EPHB1: variants seen among roughly 807,000 people sequenced by gnomAD.
EPHB1 encodes ephrin type-B receptor 1.
In EPHB1, 30 loss-of-function variants were observed where a neutral mutation model predicts 94.4. That is an observed-to-expected ratio of 0.32 (90% confidence interval 0.24 to 0.43). EPHB1 has a LOEUF of 0.43. Among genes scored for constraint, EPHB1 ranks in the 20% least tolerant of loss-of-function variants. The pLI is 1.00. For missense variants in EPHB1, 1,055 were observed against 1,308.3 expected, an observed-to-expected ratio of 0.81 and a Z score of 2.99; for synonymous variants, 522 against 489.1, an observed-to-expected ratio of 1.07 and a Z score of -0.89.
chr3:134,958,175 G>A (rs1193900951), intron 3 of EPHB1, among the ~76,000 whole-genome samples: 1 of 152,184 alleles, frequency 6.6e-6, no homozygotes. Context: ...CCTTTCAACA[G>A]TTTCTGCACC....
intron 2 of EPHB1, among the ~76,000 whole-genome samples, chr3:134,942,937 C>G (rs2039147575): frequency 6.6e-6 from 1 of 152,174 alleles, no homozygotes; most frequent in Admixed American, 6.5e-5. Context: ...TATTTCAAAA[C>G]AGTATATTAT....
intron 1 of EPHB1, among the ~76,000 whole-genome samples, chr3:134,885,994 T>C (rs2037854959): frequency 6.6e-6 from 1 of 152,226 alleles, no homozygotes; most frequent in Non-Finnish European, 1.5e-5. Flanking sequence ...TGATGCCTCA[T>C]GGAGCTGAGC....
intron 1 of EPHB1, among the ~76,000 whole-genome samples, chr3:134,829,291 G>A (rs2036539647): frequency 6.6e-6 from 1 of 151,940 alleles, no homozygotes; most frequent in Admixed American, 6.6e-5. Context: ...ATAAATTCAT[G>A]TTTTCAACCC....
intron 3 of EPHB1, among the ~76,000 whole-genome samples, chr3:135,070,412 A>C (rs1395939073): frequency 1.3e-5 from 2 of 152,166 alleles, no homozygotes; most frequent in African/African-American, 2.4e-5. Flanking sequence ...GGGCTTGATC[A>C]TGTCAGAGGT....
At position 134,882,822 on chromosome 3, in the gene EPHB1, CTTTT is replaced by C. The variant is rs2037783352; in HGVS notation, c.59-42993_59-42990del. Among the ~76,000 whole-genome samples the C allele has an allele frequency of 1.3e-4, 3 of 23,842 alleles. No homozygotes were observed. In the Admixed American group the frequency reaches 2.0e-3, roughly 16 times the overall value. 15.6% of individuals were successfully genotyped at this position (23,842 alleles called of 152,430 possible). A position where few individuals can be genotyped will look rare whatever the true frequency, so the allele number is the denominator to read the frequency against. Reference sequence around the variant, plus strand: ...TCTTTCTTTCTTTCTTTCTTTCTTTCTTTTCTTTCTTTCTTTCTTTTCTTTCTCT... The same window carrying C: ...TCTTTCTTTCTTTCTTTCTTTCTTTCCTTTCTTTCTTTCTTTTCTTTCTCT... On this transcript the variant is annotated intron_variant, in intron 1 of 15. Coordinates refer to ENST00000398015, the MANE Select transcript of EPHB1 (RefSeq NM_004441.5).
chr3:135,041,689 TC>T (rs1936848435), intron 3 of EPHB1, among the ~76,000 whole-genome samples: 1 of 152,214 alleles, frequency 6.6e-6, no homozygotes, highest in Non-Finnish European at 1.5e-5. Context: ...TATAAGTACG[TC>T]CCTGTTTTAG....
intron 1 of EPHB1, among the ~76,000 whole-genome samples, chr3:134,866,021 A>G (rs1167838731): frequency 6.6e-6 from 1 of 152,180 alleles, no homozygotes; most frequent in Non-Finnish European, 1.5e-5. Flanking sequence ...ACGGGAAAGG[A>G]ATGGGGGTCA....
Position 134,910,296 on chromosome 3 carries a change from G to A in EPHB1, c.59-15520G>A, listed in dbSNP as rs1449485799. ...TGCTCACAGCAGAGTAGGAGGGCAG[G>A]AGGGACTCTAAGGTCATCATGCCTG... On this transcript the variant is annotated intron_variant, in intron 1 of 15. Coordinates refer to ENST00000398015, the MANE Select transcript of EPHB1 (RefSeq NM_004441.5). 2.0e-5 allele frequency among the ~76,000 whole-genome samples: 3 copies of A among 152,178 alleles called. No individual in the cohort carries two copies. The South Asian group carries it at 6.2e-4, about 31-fold the overall frequency.
At chr3:135,112,309 T>C (rs1939478907) in intron 4 of EPHB1, among the ~76,000 whole-genome samples, 1 of 152,170 alleles carries the variant, frequency 6.6e-6, no homozygotes, top group African/African-American at 2.4e-5. Context: ...GCAATAAGCA[T>C]TCCACATGAG....
Position 135,259,764 on chromosome 3 carries a change from T to TTTTG in EPHB1, c.*649_*652dup, listed in dbSNP as rs1300719806. 1.4e-5 allele frequency: 3 copies of TTTTG among 213,846 alleles called. No homozygotes were observed. The highest frequency in any genetic ancestry group is 6.8e-5 in the African/African-American group (3 of 44,236). The allele number at this position is 213,846 out of a possible 1,614,324, so 13.2% of individuals were successfully genotyped here. A position where few individuals can be genotyped will look rare whatever the true frequency, so the allele number is the denominator to read the frequency against. On this transcript the variant is annotated 3_prime_UTR_variant, in exon 16 of 16. Coordinates refer to ENST00000398015, the MANE Select transcript of EPHB1 (RefSeq NM_004441.5). ...CCTTCAATTGAAAACCTCGTTTTTCTTTTGTTTGCATTTTCTGCAAAAAGG... is the reference window on the plus strand; with the variant it reads ...CCTTCAATTGAAAACCTCGTTTTTCTTTTGTTTGTTTGCATTTTCTGCAAAAAGG...
intron 15 of EPHB1, among the ~76,000 whole-genome samples, chr3:135,257,902 A>T (rs1298151272): frequency 3.9e-5 from 6 of 152,160 alleles, no homozygotes; most frequent in African/African-American, 1.4e-4. Flanking sequence ...CAGGTGTGGG[A>T]TATAATCTCG....
chr3:135,164,860 A>T (rs1941608096), intron 7 of EPHB1, among the ~76,000 whole-genome samples: 1 of 152,124 alleles, frequency 6.6e-6, no homozygotes, highest in African/African-American at 2.4e-5. Context: ...GCTAGATAAA[A>T]AATAAGATGA....
intron 2 of EPHB1, among the ~76,000 whole-genome samples, chr3:134,934,892 ATTCCAGAGGTTACCTAAGCCCACC>A (rs538447567): frequency 3.3e-5 from 5 of 152,194 alleles, no homozygotes; most frequent in Non-Finnish European, 7.3e-5. Flanking sequence ...CTGGGAGGGA[ATTCCAGAGGTTACCTAAGCCCACC>A]TTCTCCCTAT....
rs1284731419 is a variant in EPHB1 at position 135,154,174 on chromosome 3, G to A, written c.1320G>A (p.Met440Ile). ...CAGCCCCCTCCACCGTTCCCATCAT[G>A]CACCAAGTCAGTGCCACTATGAGGA... ...NQAAPSTVPI[M>I]HQVSATMRSI... The change falls in exon 6 of 16, where the codon ATG becomes ATA. Residue 440 changes from methionine (M) to isoleucine (I), a missense_variant. Physicochemically the swap from Met to Ile is conservative, Grantham distance 10. Coordinates refer to ENST00000398015, the MANE Select transcript of EPHB1 (RefSeq NM_004441.5). 5 of 1,613,840 alleles carry A rather than the reference G, an allele frequency of 3.1e-6. No homozygotes were observed. The South Asian group carries it at 4.4e-5, about 14-fold the overall frequency.
At chr3:135,203,216 CAT>C (rs1407522817) in intron 12 of EPHB1, among the ~76,000 whole-genome samples, 4 of 152,104 alleles carry the variant, frequency 2.6e-5, no homozygotes, top group African/African-American at 9.7e-5. Context: ...ACATGTGACA[CAT>C]GTGAACATCA....
chr3:135,079,382 A>T (rs1327309184), intron 3 of EPHB1, among the ~76,000 whole-genome samples: 1 of 152,208 alleles, frequency 6.6e-6, no homozygotes, highest in African/African-American at 2.4e-5. Context: ...TATCCAATTG[A>T]GGCCCATACC....
At chr3:135,177,136 A>T (rs918009051) in intron 9 of EPHB1, among the ~76,000 whole-genome samples, 1 of 152,104 alleles carries the variant, frequency 6.6e-6, no homozygotes, top group Non-Finnish European at 1.5e-5. Context: ...TGGGAGGGAG[A>T]TGTTACCGCC....
At chr3:134,803,443 G>A (rs1355682333) in intron 1 of EPHB1, among the ~76,000 whole-genome samples, 1 of 152,118 alleles carries the variant, frequency 6.6e-6, no homozygotes, top group African/African-American at 2.4e-5. Flanking sequence ...GTAAGCCTGA[G>A]GGAGCCAGCA....
chr3:134,902,424 C>T (rs1413461755), intron 1 of EPHB1, among the ~76,000 whole-genome samples: 3 of 152,108 alleles, frequency 2.0e-5, no homozygotes, highest in African/African-American at 7.2e-5. Flanking sequence ...AAGCATCAGT[C>T]CCAAGACTTT....
Sources: allele counts gnomAD v4.1 joint callset (sites outside exome capture counted in the v4.1 genomes callset), GRCh38; gene constraint gnomAD v4.1.1; transcripts MANE v1.5; gene names NCBI Gene and HGNC (gene_info 2026-07-23, HGNC 2026-07-21).